Variants in MPP7 observed in about 807,000 individuals in gnomAD.
MPP7 encodes MAGUK p55 subfamily member 7.
A neutral mutation model predicts 76.5 loss-of-function variants in MPP7; 60 were observed. The ratio of observed to expected loss-of-function variants is 0.78; its 90% CI spans 0.64 to 0.97. MPP7 has a LOEUF of 0.97. MPP7 is among the 50% of genes least tolerant of loss of function. MPP7 has a pLI of 0.00. For missense variants in MPP7, 641 were observed against 694.0 expected (o/e 0.92, Z 0.86); for synonymous variants, 237 against 244.5 (o/e 0.97, Z 0.29).
chr10:28,193,837 A>T (rs1191974452), intron 3 of MPP7, among the ~76,000 whole-genome samples: 1 of 151,700 alleles, frequency 6.6e-6, no homozygotes, highest in East Asian at 1.9e-4. Context: ...AAATTGACAC[A>T]ATAATGAGAT....
intron 14 of MPP7, among the ~76,000 whole-genome samples, chr10:28,058,972 A>G (rs10826393): frequency 0.32 from 48,510 of 152,080 alleles, 9,139 homozygotes; most frequent in East Asian, 0.66. Context: ...AACCCAGCCC[A>G]GCTTCAGAAC....
At chr10:28,172,961 C>T (rs1836734222) in intron 3 of MPP7, among the ~76,000 whole-genome samples, 1 of 152,160 alleles carries the variant, frequency 6.6e-6, no homozygotes, top group Non-Finnish European at 1.5e-5. Context: ...TGTGGACTGA[C>T]CCCTTTAATC....
rs77947575 is a variant in MPP7 at position 28,322,518 on chromosome 10, T to C, written c.-132+7411A>G. Among the ~76,000 whole-genome samples the C allele has an allele frequency of 9.1e-3, 1,386 of 152,364 alleles. 21 individuals are homozygous for C. Among genetic ancestry groups the C allele is most frequent in the East Asian group, 0.056 (289 of 5,186 alleles). The stretch of plus-strand genomic sequence containing the variant: ...AATGGCAGCCAGGCCCCAACCTTTC[T>C]CTGTTACTTTTGGCTGTCATTGACA... On this transcript the variant is annotated intron_variant, in intron 2 of 11. Coordinates refer to the MPP7 transcript ENST00000441595.
intron 2 of MPP7, among the ~76,000 whole-genome samples, chr10:28,322,092 A>G (rs1834373998): frequency 6.6e-6 from 1 of 152,004 alleles, no homozygotes; most frequent in Non-Finnish European, 1.5e-5. Context: ...ATGTGACAAA[A>G]TGAGTCACAG....
At chr10:28,265,726 A>G (rs1378028698) in intron 1 of MPP7, among the ~76,000 whole-genome samples, 4 of 152,206 alleles carry the variant, frequency 2.6e-5, no homozygotes, top group Non-Finnish European at 4.4e-5. Context: ...AGCTTTTTTA[A>G]CTTTATCGAG....
chr10:28,319,213 A>T (rs996232947), intron 2 of MPP7, among the ~76,000 whole-genome samples: 1 of 152,156 alleles, frequency 6.6e-6, no homozygotes, highest in African/African-American at 2.4e-5. Context: ...CTTTTAAACA[A>T]TCAGCTCTCA....
At chr10:28,213,667 C>G (rs1256028806) in intron 2 of MPP7, among the ~76,000 whole-genome samples, 1 of 151,794 alleles carries the variant, frequency 6.6e-6, no homozygotes, top group Non-Finnish European at 1.5e-5. Context: ...TGGCACATGC[C>G]TGTAACCCCA....
chr10:28,327,916 G>A (rs1219486277), intron 2 of MPP7, among the ~76,000 whole-genome samples: 1 of 152,138 alleles, frequency 6.6e-6, no homozygotes, highest in East Asian at 1.9e-4. Context: ...ATTTGACTTG[G>A]GGTTCCCTCA....
chr10:28,315,219 G>C (rs1013461520), intron 2 of MPP7, among the ~76,000 whole-genome samples: 4 of 146,766 alleles, frequency 2.7e-5, no homozygotes, highest in African/African-American at 1.0e-4. Context: ...ATGGAAGGAA[G>C]GAAGGGAGGG....
intron 11 of MPP7, chr10:28,119,003 G>C (rs1001189559): frequency 2.0e-6 from 2 of 985,166 alleles, no homozygotes; most frequent in South Asian, 4.7e-5. Flanking sequence ...GGAATTTATG[G>C]GATGCAGACT....
chr10:28,291,328 G>A (rs533875990), intron 1 of MPP7, among the ~76,000 whole-genome samples: 77 of 152,230 alleles, frequency 5.1e-4, no homozygotes, highest in Non-Finnish European at 9.4e-4. Context: ...GATATTGGCA[G>A]GGTACGGTGG....
At chr10:28,198,580 AT>A (rs1484482223) in intron 3 of MPP7, among the ~76,000 whole-genome samples, 129 of 110,402 alleles carry the variant, frequency 1.2e-3, no homozygotes, top group African/African-American at 5.1e-3. Context: ...GTCTCAGAGA[AT>A]TTAAAAAAAA....
intron 1 of MPP7, among the ~76,000 whole-genome samples, chr10:28,262,227 A>ATATATATATATACG (rs1839994569): frequency 1.3e-4 from 3 of 23,198 alleles, no homozygotes; most frequent in Non-Finnish European, 2.2e-4. Context: ...ATATATATAC[A>ATATATATATATACG]TATATATATA....
chr10:28,086,389 G>A (rs543653886), intron 12 of MPP7, among the ~76,000 whole-genome samples: 1 of 152,130 alleles, frequency 6.6e-6, no homozygotes, highest in Non-Finnish European at 1.5e-5. Flanking sequence ...TTCAGAATTC[G>A]GGTACCAGGA....
At chr10:28,057,943 G>A in intron 15 of MPP7, 2 of 1,047,640 alleles carry the variant, frequency 1.9e-6, no homozygotes, top group Non-Finnish European at 2.4e-6. Flanking sequence ...GAAGTTCTCA[G>A]TTCAGAATGT....
Position 28,176,602 on chromosome 10 carries a change from T to C in MPP7, c.156+25551A>G, listed in dbSNP as rs558660267. Among the ~76,000 whole-genome samples the C allele has an allele frequency of 2.6e-5, 4 of 152,070 alleles. No individual in the cohort carries two copies. The South Asian group carries it at 8.3e-4, about 32-fold the overall frequency. On this transcript the variant is annotated intron_variant, in intron 3 of 16. Transcript: ENST00000683449. ...AAAATAAAAAATTAGCCAGGTGTCATGGCACATGCCTGTAATCCCAGCTAC... is the reference window on the plus strand; with the variant it reads ...AAAATAAAAAATTAGCCAGGTGTCACGGCACATGCCTGTAATCCCAGCTAC...
intron 3 of MPP7, among the ~76,000 whole-genome samples, chr10:28,196,401 A>AC (rs1837583171): frequency 1.3e-5 from 2 of 151,702 alleles, no homozygotes; most frequent in Non-Finnish European, 2.9e-5. Context: ...ACTCCCTTGA[A>AC]CCCAGGAGGC....
chr10:28,264,376 G>T (rs763087215), intron 1 of MPP7, among the ~76,000 whole-genome samples: 2 of 151,912 alleles, frequency 1.3e-5, no homozygotes, highest in African/African-American at 4.8e-5. Context: ...GGAATGACTG[G>T]CAAAAAAATA....
At chr10:28,149,064 C>T (rs146887533) in intron 4 of MPP7, among the ~76,000 whole-genome samples, 92 of 152,144 alleles carry the variant, frequency 6.0e-4, no homozygotes, top group African/African-American at 1.8e-3. Flanking sequence ...ACAAATAGCA[C>T]GCAACTTGCA....
Sources: allele counts gnomAD v4.1 joint callset (sites outside exome capture counted in the v4.1 genomes callset), GRCh38; gene constraint gnomAD v4.1.1; transcripts MANE v1.5; gene names NCBI Gene and HGNC (gene_info 2026-07-23, HGNC 2026-07-21).